Variants in PCDHGA11 observed in about 807,000 individuals in gnomAD.
PCDHGA11 encodes the protein protocadherin gamma-A11.
A neutral mutation model predicts 60.4 loss-of-function variants in PCDHGA11; 39 were observed. The observed-to-expected ratio is 0.65, with a 90% CI of 0.50 to 0.84. PCDHGA11 has a LOEUF of 0.84. Ranked by LOEUF, PCDHGA11 falls within the 40% of genes least tolerant of loss-of-function variation. The pLI, the probability that PCDHGA11 is intolerant of heterozygous loss-of-function variation, is 0.00. For missense variants in PCDHGA11, 1,165 were observed against 1,197.7 expected (o/e 0.97, Z 0.40); for synonymous variants, 533 against 510.3 (o/e 1.04, Z -0.60).
In PCDHGA11 at chr5:141,421,454, T is replaced by C; in HGVS notation, c.227T>C (p.Phe76Ser). 1 of 1,614,132 alleles carries C rather than the reference T, an allele frequency of 6.2e-7. No individual in the cohort carries two copies. Among genetic ancestry groups the C allele is most frequent in the Non-Finnish European group, 8.5e-7 (1 of 1,179,940 alleles). The change falls in exon 1 of 4, where the codon TTC becomes TCC. Residue 76 changes from phenylalanine (F) to serine (S), a missense_variant. By Grantham distance (155) the Phe-to-Ser change is radical. Transcript: ENST00000398587. The stretch of plus-strand genomic sequence containing the variant: ...GTCTCCAGAGGGAAGACACAGCTTT[T>C]CGCTGTGAATCCGCGAAGCGGCAGC... ...RIVSRGKTQL[F>S]AVNPRSGSLI...
intron 1 of PCDHGA11, chr5:141,475,983 C>A: frequency 9.5e-7 from 1 of 1,049,244 alleles, no homozygotes; most frequent in Non-Finnish European, 1.4e-6. Context: ...GAACAGCCGG[C>A]GAGCAAATCA....
At chr5:141,440,912 G>A (rs1281398967) in intron 1 of PCDHGA11, 1 of 152,254 alleles carries the variant, frequency 6.6e-6, no homozygotes, top group African/African-American at 2.4e-5. Context: ...GGGCACTCCT[G>A]TGCTGAGAGT....
rs115262984 is a variant in PCDHGA11 at position 141,463,089 on chromosome 5, C to T, written c.2434-31718C>T. ...AATGAAATTCAAACATTTTCCAGCC[C>T]TATGTGACCATCAAGAATTCAGCTA... On this transcript the variant is annotated intron_variant, in intron 1 of 3. Coordinates refer to ENST00000398587, the MANE Select transcript of PCDHGA11 (RefSeq NM_018914.3). Among the ~76,000 whole-genome samples the T allele has an allele frequency of 2.5e-3, 374 of 152,264 alleles. 2 individuals are homozygous for T. Among genetic ancestry groups the T allele is most frequent in the African/African-American group, 8.7e-3 (360 of 41,552 alleles).
rs1467994226 is a variant in PCDHGA11, at chr5:141,423,194, C to T, written c.1967C>T (p.Ser656Leu). 3.7e-6 allele frequency: 6 copies of T among 1,613,588 alleles called. No homozygotes were observed. The highest frequency in any genetic ancestry group is 1.1e-5 in the South Asian group (1 of 91,076). Residue 656 changes from serine to leucine, a missense_variant, in exon 1 of 4, where the codon TCG (serine) becomes TTG (leucine). Transcript: ENST00000398587. ...AVQDHGQPPL[S>L]ATVTLTVAVA... is the part of the protein sequence containing the mutation. ...CAGGACCACGGCCAGCCCCCTCTCT[C>T]GGCCACCGTCACGCTCACCGTGGCT... is the stretch of plus-strand genomic sequence containing the variant.
chr5:141,477,874 T>G lies in PCDHGA11; in HGVS notation c.2434-16933T>G. On this transcript the variant is annotated intron_variant, in intron 1 of 3. Coordinates refer to ENST00000398587, the MANE Select transcript of PCDHGA11 (RefSeq NM_018914.3). This position sits in a 1 kb window ranked among gnomAD's most constrained non-coding sequence, Gnocchi z 4.9. ...AGATGCTGCCTCGAGGTACCTCAGC[T>G]GGCCACCTAGTGTCACGGGTGGTAG... 1 of 1,614,176 alleles carries G rather than the reference T, an allele frequency of 6.2e-7. No individual in the cohort carries two copies. The highest frequency in any genetic ancestry group is 8.5e-7 in the Non-Finnish European group (1 of 1,180,028).
chr5:141,448,204 C>G (rs757249025), intron 1 of PCDHGA11, among the ~76,000 whole-genome samples: 28 of 152,124 alleles, frequency 1.8e-4, no homozygotes, highest in South Asian at 4.1e-4. Flanking sequence ...CAAACATTTT[C>G]TGTGTGTATG....
At chr5:141,505,777 TCTG>T (rs77860300) in intron 3 of PCDHGA11, among the ~76,000 whole-genome samples, 6,508 of 152,280 alleles carry the variant, frequency 0.043, 161 homozygotes, top group Middle Eastern at 0.13. Context: ...AGGTCCTAGC[TCTG>T]CTACTATCCT....
At position 141,491,971 on chromosome 5, in the gene PCDHGA11, T is replaced by C. The variant is rs62379205; in HGVS notation, c.2434-2836T>C. ...CCTACACTCAAAAAAGGCCGGGGCC[T>C]CCTTCGAGCTTCCGGTGAATTTCGG... is the stretch of plus-strand genomic sequence containing the variant. On this transcript the variant is annotated intron_variant, in intron 1 of 3. Coordinates refer to ENST00000398587, the MANE Select transcript of PCDHGA11 (RefSeq NM_018914.3). This position sits in a 1 kb window ranked among gnomAD's most constrained non-coding sequence, Gnocchi z 6.9. The C allele has an allele frequency of 0.2, 165,735 of 830,872 alleles. 17,637 individuals are homozygous for C. Among genetic ancestry groups the C allele is most frequent in the Admixed American group, 0.32 (8,466 of 26,688 alleles). 51.5% of individuals were successfully genotyped at this position (830,872 alleles called of 1,614,324 possible).
At position 141,485,614 on chromosome 5, in the gene PCDHGA11, T is replaced by G; in HGVS notation, c.2434-9193T>G. 1 of 1,612,236 alleles carries G rather than the reference T, an allele frequency of 6.2e-7. No individual in the cohort carries two copies. Among genetic ancestry groups the G allele is most frequent in the Non-Finnish European group, 8.5e-7 (1 of 1,178,686 alleles). On this transcript the variant is annotated intron_variant, in intron 1 of 3. Transcript: ENST00000398587. The surrounding 1 kb of genome is among the most constrained non-coding windows in gnomAD (Gnocchi z 5.7). ...ACTTGGAAATTGGGGAGGCAGCTCC[T>G]CCAGGACAGCGTTTCCCGTTGGAAA...
chr5:141,471,254 T>A (rs1043647138), intron 1 of PCDHGA11: 1 of 151,828 alleles, frequency 6.6e-6, no homozygotes, highest in African/African-American at 2.4e-5. Flanking sequence ...TTTCACCATG[T>A]TGGCAAGGCT....
At chr5:141,481,913 CA>C (rs34114744) in intron 1 of PCDHGA11, among the ~76,000 whole-genome samples, 39,195 of 90,872 alleles carry the variant, frequency 0.43, 5,902 homozygotes, top group Admixed American at 0.51. Flanking sequence ...AACTCCATCT[CA>C]AAAAAAAAAA....
chr5:141,465,056 G>A (rs908104635), intron 1 of PCDHGA11, among the ~76,000 whole-genome samples: 9 of 151,044 alleles, frequency 6.0e-5, no homozygotes, highest in Non-Finnish European at 1.3e-4. Context: ...ATATTTTTTT[G>A]AATTGTCTGT....
At position 141,487,892 on chromosome 5, in the gene PCDHGA11, T is replaced by C; in HGVS notation, c.2434-6915T>C. The C allele has an allele frequency of 2.7e-6, 2 of 731,410 alleles. No individual in the cohort carries two copies. The highest frequency in any genetic ancestry group is 4.4e-6 in the Non-Finnish European group (2 of 450,094). 45.3% of individuals were successfully genotyped at this position (731,410 alleles called of 1,614,324 possible). On this transcript the variant is annotated intron_variant, in intron 1 of 3. Coordinates refer to ENST00000398587, the MANE Select transcript of PCDHGA11 (RefSeq NM_018914.3). This position sits in a 1 kb window ranked among gnomAD's most constrained non-coding sequence, Gnocchi z 5.0. ...GAGCCAGGCTGTTGTGGAAGCATGA[T>C]GATGGAATGTGGGAGCACAGGAGGC...
At chr5:141,500,436 C>G (rs1318326111) in intron 2 of PCDHGA11, among the ~76,000 whole-genome samples, 2 of 151,836 alleles carry the variant, frequency 1.3e-5, no homozygotes, top group African/African-American at 2.4e-5. Flanking sequence ...GTCTCGATCT[C>G]CTGACCTCGT....
In PCDHGA11 at chr5:141,511,358, G is replaced by GT; in HGVS notation, c.*187dup. 1 of 1,355,398 alleles carries GT rather than the reference G, an allele frequency of 7.4e-7. No homozygotes were observed. Among genetic ancestry groups the GT allele is most frequent in the South Asian group, 1.5e-5 (1 of 66,198 alleles). 84.0% of individuals were successfully genotyped at this position (1,355,398 alleles called of 1,614,324 possible). On this transcript the variant is annotated 3_prime_UTR_variant, in exon 4 of 4. Transcript: ENST00000398587. ...GCACCTACCCCTTCCCCCCCAGGGG[G>GT]TTGAATATGCAAAAGCAGTTCCGCT...
rs961341807 is a variant in PCDHGA11 at position 141,486,262 on chromosome 5, A to G, written c.2434-8545A>G. The G allele has an allele frequency of 6.2e-6, 10 of 1,613,912 alleles. No individual in the cohort carries two copies. Among genetic ancestry groups the G allele is most frequent in the Non-Finnish European group, 8.5e-6 (10 of 1,179,986 alleles). On this transcript the variant is annotated intron_variant, in intron 1 of 3. Transcript: ENST00000398587. This position sits in a 1 kb window ranked among gnomAD's most constrained non-coding sequence, Gnocchi z 5.0. ...AGCTTGGAACCCTCCCCGAGAGTGC[A>G]GAACCTGGCACTGTGGTGGCACTTA...
chr5:141,498,565 G>C (rs2099784348), intron 2 of PCDHGA11, among the ~76,000 whole-genome samples: 1 of 152,044 alleles, frequency 6.6e-6, no homozygotes. Context: ...CTTCAAAGCA[G>C]GGCTAGTATT....
Position 141,428,338 on chromosome 5 carries a change from T to C in PCDHGA11, c.2433+4678T>C, listed in dbSNP as rs575215422. 427 of 592,394 alleles carry C rather than the reference T, an allele frequency of 7.2e-4. 1 individual carries two copies. The highest frequency in any genetic ancestry group is 1.3e-3 in the Non-Finnish European group (409 of 326,444). 36.7% of individuals were successfully genotyped at this position (592,394 alleles called of 1,614,324 possible). ...CTTGGCCTTGATTTCTATGCTCTTC[T>C]TCCTCGCAGTGATTTTGGCGGTCGC... On this transcript the variant is annotated intron_variant, in intron 1 of 3. Coordinates refer to ENST00000398587, the MANE Select transcript of PCDHGA11 (RefSeq NM_018914.3).
In PCDHGA11 at chr5:141,423,148, C is replaced by G. The variant is rs2096714622; in HGVS notation, c.1921C>G (p.Gln641Glu). 6.2e-7 allele frequency: 1 copy of G among 1,613,404 alleles called. No individual in the cohort carries two copies. Among genetic ancestry groups the G allele is most frequent in the African/African-American group, 1.3e-5 (1 of 74,948 alleles). The change falls in exon 1 of 4, where the codon CAG becomes GAG. Residue 641 changes from glutamine to glutamate, a missense_variant. Physicochemically the swap from Gln to Glu is conservative, Grantham distance 29 (BLOSUM62 2). Transcript: ENST00000398587. ...ACTGCTGGACAGAGACGCGCTCAAG[C>G]AGAGCCTCGTGGTGGCCGTCCAGGA... ...RALLDRDALKQSLVVAVQDHG... is the reference protein window; with the variant it reads ...RALLDRDALKESLVVAVQDHG...
Sources: gnomAD v4.1 joint callset for allele counts (sites outside exome capture counted in the v4.1 genomes callset) on GRCh38, gnomAD v4.1.1 for gene constraint, Gnocchi (gnomAD v3.1) non-coding constraint, MANE v1.5 for transcripts, NCBI Gene and HGNC (gene_info 2026-07-23, HGNC 2026-07-21) for gene names.